The following LCORL variants were observed in gnomAD, a reference collection of about 807,000 sequenced individuals.
LCORL encodes ligand dependent nuclear receptor corepressor like, also known as ligand-dependent nuclear receptor corepressor-like protein.
In LCORL, 41 loss-of-function variants were observed where a neutral mutation model predicts 141.8. That is an observed-to-expected ratio of 0.29 (90% CI 0.23 to 0.38). The LOEUF (loss-of-function observed/expected upper bound fraction) is 0.38. LCORL is among the 10% of genes least tolerant of loss of function. The pLI is 1.00. For missense variants in LCORL, 1,759 were observed against 2,035.0 expected (o/e 0.86, Z 2.61); for synonymous variants, 618 against 694.1 (o/e 0.89, Z 1.72).
rs146818263 is a variant in LCORL at position 17,995,403 on chromosome 4, C to T, written c.155-22518G>A. 4.6e-5 allele frequency among the ~76,000 whole-genome samples: 7 copies of T among 152,176 alleles called. No homozygotes were observed. The East Asian group carries it at 5.8e-4, about 13-fold the overall frequency. On this transcript the variant is annotated intron_variant, in intron 1 of 7. Coordinates refer to ENST00000635767, the Ensembl canonical transcript of LCORL. ...TTGTGGGAAGAGGCCAACTGTGCTG[C>T]TAAATATCCAAAACAATTCACAATA...
intron 6 of LCORL, chr4:17,883,477 C>A: frequency 8.2e-7 from 1 of 1,220,096 alleles, no homozygotes; most frequent in Non-Finnish European, 1.0e-6. Flanking sequence ...GGATTAAATA[C>A]AAACTATCAG....
intron 1 of LCORL, among the ~76,000 whole-genome samples, chr4:18,015,814 T>C (rs1724539752): frequency 6.7e-6 from 1 of 148,564 alleles, no homozygotes; most frequent in South Asian, 2.2e-4. Context: ...AAAAGTAAAA[T>C]AGAGAGTAGA....
At chr4:17,961,042 C>T (rs1453603340) in intron 4 of LCORL, among the ~76,000 whole-genome samples, 1 of 152,034 alleles carries the variant, frequency 6.6e-6, no homozygotes, top group Admixed American at 6.6e-5. Context: ...TGAAAGTTAT[C>T]AATTTAGTAG....
At chr4:17,922,797 G>C (rs1465657942) in intron 4 of LCORL, among the ~76,000 whole-genome samples, 1 of 152,144 alleles carries the variant, frequency 6.6e-6, no homozygotes, top group African/African-American at 2.4e-5. Flanking sequence ...GATGAGGCTG[G>C]GAACACTGAG....
intron 5 of LCORL, among the ~76,000 whole-genome samples, chr4:17,904,322 T>C (rs1051827873): frequency 1.3e-5 from 2 of 152,112 alleles, no homozygotes; most frequent in Non-Finnish European, 2.9e-5. Context: ...CTGGCTGTAG[T>C]TTTGTTAGCT....
intron 4 of LCORL, among the ~76,000 whole-genome samples, 186 bp from the exon 5 acceptor site, chr4:17,909,531 A>G (rs569376412): frequency 1.3e-5 from 2 of 152,138 alleles, no homozygotes; most frequent in Non-Finnish European, 2.9e-5. Flanking sequence ...ATAATATATC[A>G]ACCAAAAATG....
At chr4:17,955,876 G>A (rs1712517818) in intron 4 of LCORL, among the ~76,000 whole-genome samples, 1 of 152,076 alleles carries the variant, frequency 6.6e-6, no homozygotes, top group Non-Finnish European at 1.5e-5. Flanking sequence ...ACAGAGAGAA[G>A]TGAAATCATG....
rs886931772 is a variant in LCORL at position 17,875,909 on chromosome 4, A to C, written c.3081T>G (p.Asp1027Glu). 3 of 1,231,158 alleles carry C rather than the reference A, an allele frequency of 2.4e-6. No homozygotes were observed. In the South Asian group the frequency reaches 1.2e-4, roughly 51 times the overall value. 76.3% of individuals were successfully genotyped at this position (1,231,158 alleles called of 1,614,324 possible). Residue 1027 changes from aspartate to glutamate, a missense_variant, in exon 7 of 8, where the codon GAT (aspartate) becomes GAG (glutamate). By Grantham distance (45) the Asp-to-Glu change is conservative (BLOSUM62 2). Around this residue, in one of 5 missense-constraint regions of LCORL, gnomAD observed 1,311 missense variants for 1,531.3 expected, o/e 0.86. Transcript: ENST00000635767. ...ATTTGTTTAGTTCTCTTTGAAAAGT[A>C]TCAGTATCATAATGACTGGAGTGAT...
At chr4:17,896,499 C>T (rs1301048821) in intron 5 of LCORL, among the ~76,000 whole-genome samples, 1 of 152,156 alleles carries the variant, frequency 6.6e-6, no homozygotes, top group Admixed American at 6.5e-5. Context: ...CCAGGCTGGT[C>T]TCGAACTCCT....
chr4:17,876,361 C>T, exon 7 of LCORL: 1 of 1,230,800 alleles, frequency 8.1e-7, no homozygotes, highest in Non-Finnish European at 1.0e-6. Context: ...ATATTTCTGT[C>T]AGCATGTTGG....
intron 7 of LCORL, among the ~76,000 whole-genome samples, chr4:17,872,210 C>T (rs749505970): frequency 4.0e-4 from 61 of 151,954 alleles, no homozygotes; most frequent in Non-Finnish European, 6.9e-4. Context: ...TAAGTACTTC[C>T]ATACTCCTCA....
chr4:17,871,352 C>T (rs1489232536), intron 7 of LCORL, among the ~76,000 whole-genome samples: 3 of 151,664 alleles, frequency 2.0e-5, no homozygotes, highest in Admixed American at 2.0e-4. Context: ...TGAGAAAGAT[C>T]AAAAACAGCT....
At chr4:18,006,468 C>A (rs1722826263) in intron 1 of LCORL, among the ~76,000 whole-genome samples, 1 of 152,146 alleles carries the variant, frequency 6.6e-6, no homozygotes. Flanking sequence ...GTGCCCCACT[C>A]TACTGGTACC....
chr4:17,876,245 C>T, exon 7 of LCORL: 1 of 1,230,902 alleles, frequency 8.1e-7, no homozygotes, highest in Non-Finnish European at 1.0e-6. Flanking sequence ...TTTTGTTATT[C>T]AAATCCACTG....
intron 5 of LCORL, among the ~76,000 whole-genome samples, chr4:17,898,683 T>C (rs571928919): frequency 6.7e-6 from 1 of 149,072 alleles, no homozygotes; most frequent in South Asian, 2.2e-4. Context: ...ATGTTTGCCT[T>C]CCATTGTGTG....
chr4:17,965,966 T>C (rs1434725887), intron 2 of LCORL, among the ~76,000 whole-genome samples: 3 of 152,088 alleles, frequency 2.0e-5, no homozygotes, highest in Non-Finnish European at 4.4e-5. Context: ...AGAAGAATAT[T>C]GAGCTAGATT....
At chr4:17,950,961 C>T (rs1739629839) in intron 4 of LCORL, among the ~76,000 whole-genome samples, 1 of 152,088 alleles carries the variant, frequency 6.6e-6, no homozygotes, top group Non-Finnish European at 1.5e-5. Context: ...ACAGTTTATT[C>T]ATTCTGAGTT....
chr4:17,980,272 TG>T (rs1717725950), intron 1 of LCORL, among the ~76,000 whole-genome samples: 1 of 152,218 alleles, frequency 6.6e-6, no homozygotes, highest in Non-Finnish European at 1.5e-5. Context: ...GGCTGGTCTG[TG>T]GCAAATTCAA....
intron 4 of LCORL, among the ~76,000 whole-genome samples, chr4:17,915,567 A>G (rs13113107): frequency 0.13 from 19,771 of 152,242 alleles, 1,399 homozygotes; most frequent in South Asian, 0.26. Context: ...AGTATTAATG[A>G]AAGTCTGAAG....
Sources: allele counts gnomAD v4.1 joint callset (sites outside exome capture counted in the v4.1 genomes callset), GRCh38; gene constraint gnomAD v4.1.1; regional missense constraint gnomAD v4.1.1; transcripts MANE v1.5; gene names NCBI Gene and HGNC (gene_info 2026-07-23, HGNC 2026-07-21).